The following ADK variants were observed in gnomAD, a reference collection of about 807,000 sequenced individuals.
ADK encodes the protein N6,N6-dimethyladenosine kinase.
In ADK, 24 loss-of-function variants were observed where a neutral mutation model predicts 44.7. That is an observed-to-expected ratio of 0.54 (90% CI 0.39 to 0.76). ADK has a LOEUF of 0.76. ADK is among the 30% of genes least tolerant of loss of function. The pLI, the probability that ADK is intolerant of heterozygous loss-of-function variation, is 0.00. For missense variants in ADK, 321 were observed against 425.1 expected, an observed-to-expected ratio of 0.76 and a Z score of 2.15; for synonymous variants, 128 against 142.6, an observed-to-expected ratio of 0.90 and a Z score of 0.73.
At chr10:74,204,607 G>A (rs1843521301) in intron 2 of ADK, among the ~76,000 whole-genome samples, 1 of 152,134 alleles carries the variant, frequency 6.6e-6, no homozygotes, top group African/African-American at 2.4e-5. Context: ...TTTATCCTAA[G>A]ACATTCAGAT....
intron 3 of ADK, among the ~76,000 whole-genome samples, chr10:74,279,510 C>T (rs1409389782): frequency 6.7e-5 from 10 of 149,888 alleles, no homozygotes; most frequent in East Asian, 3.9e-4. Context: ...CACTTGAACC[C>T]GGAGGTTGCA....
At chr10:74,339,263 AT>A (rs1841509987) in intron 4 of ADK, among the ~76,000 whole-genome samples, 1 of 152,236 alleles carries the variant, frequency 6.6e-6, no homozygotes, top group Admixed American at 6.5e-5. Context: ...CCTGGCCTAA[AT>A]TCCTTTTTTA....
intron 3 of ADK, among the ~76,000 whole-genome samples, chr10:74,290,815 T>C (rs968629381): frequency 1.3e-5 from 2 of 152,200 alleles, no homozygotes; most frequent in African/African-American, 4.8e-5. Flanking sequence ...TTAAGATGGC[T>C]CTTATAGAAT....
At chr10:74,319,979 A>G (rs1328881128) in intron 4 of ADK, among the ~76,000 whole-genome samples, 1 of 152,218 alleles carries the variant, frequency 6.6e-6, no homozygotes, top group East Asian at 1.9e-4. Flanking sequence ...TTTAAATCAT[A>G]TAAAAATAAA....
rs1289832756 is a variant in ADK, at chr10:74,460,676, G to A, written c.555+62097G>A. 2.0e-5 allele frequency among the ~76,000 whole-genome samples: 3 copies of A among 152,162 alleles called. No homozygotes were observed. The East Asian group carries it at 5.8e-4, about 29-fold the overall frequency. On this transcript the variant is annotated intron_variant, in intron 6 of 10. Transcript: ENST00000539909. ...CCCCTACCATGACAATTTAAATACT[G>A]CATTTAACTGTAGTATATGTAAGAT...
intron 6 of ADK, among the ~76,000 whole-genome samples, chr10:74,494,947 A>G (rs1847629616): frequency 6.6e-6 from 1 of 152,202 alleles, no homozygotes; most frequent in Non-Finnish European, 1.5e-5. Flanking sequence ...GGATTAATAT[A>G]TGGGCTCCAT....
intron 3 of ADK, among the ~76,000 whole-genome samples, chr10:74,311,892 G>T (rs999420925): frequency 6.6e-6 from 1 of 152,146 alleles, no homozygotes; most frequent in African/African-American, 2.4e-5. Flanking sequence ...GTTGGGCTGG[G>T]CATGGTGGCT....
In ADK at chr10:74,574,822, C is replaced by T. The variant is rs147883841; in HGVS notation, c.727-14460C>T. 4.7e-3 allele frequency among the ~76,000 whole-genome samples: 711 copies of T among 152,314 alleles called. 4 individuals are homozygous for T. The highest frequency in any genetic ancestry group is 7.9e-3 in the Non-Finnish European group (536 of 68,034). ...GCTACCATCCCTGAAACTGTTAATGCATATGAGTAGAAAAATTTTTTACCT... is the reference window on the plus strand; with the variant it reads ...GCTACCATCCCTGAAACTGTTAATGTATATGAGTAGAAAAATTTTTTACCT... On this transcript the variant is annotated intron_variant, in intron 7 of 10. Transcript: ENST00000539909.
rs368372226 is a variant in ADK, at chr10:74,680,624, C to T, written c.964+10355C>T. On this transcript the variant is annotated intron_variant, in intron 10 of 10. Transcript: ENST00000539909. ...GTGTAGCACTGATGCAGAGCCTAGC[C>T]AACCTTAGTACCTAGCAGAAATCTT... Among the ~76,000 whole-genome samples the T allele has an allele frequency of 1.3e-3, 203 of 152,194 alleles. 1 individual carries two copies. The highest frequency in any genetic ancestry group is 6.8e-3 in the Middle Eastern group (2 of 294).
chr10:74,371,773 G>A, intron 4 of ADK: 2 of 1,333,306 alleles, frequency 1.5e-6, no homozygotes, highest in Non-Finnish European at 2.1e-6. Context: ...ATATCCTCCA[G>A]GAATATTGGC....
At chr10:74,211,251 A>G (rs1010118563) in intron 2 of ADK, among the ~76,000 whole-genome samples, 3 of 152,122 alleles carry the variant, frequency 2.0e-5, no homozygotes, top group South Asian at 2.1e-4. Flanking sequence ...TATGTTTTGT[A>G]TATTTAGGTC....
At chr10:74,595,205 T>C (rs1851861828) in intron 8 of ADK, among the ~76,000 whole-genome samples, 1 of 144,052 alleles carries the variant, frequency 6.9e-6, no homozygotes, top group Admixed American at 7.0e-5. Context: ...AAAGGCTCTA[T>C]GACTTTTTCA....
intron 9 of ADK, chr10:74,655,839 A>C: frequency 1.9e-6 from 1 of 532,800 alleles, no homozygotes; most frequent in South Asian, 1.7e-5. Context: ...GGTGGTACTC[A>C]TCAAGCAGGA....
intron 2 of ADK, among the ~76,000 whole-genome samples, chr10:74,219,610 T>C (rs1844212849): frequency 6.6e-6 from 1 of 151,962 alleles, no homozygotes; most frequent in Admixed American, 6.6e-5. Flanking sequence ...ATTGAACACA[T>C]AGTTGGAAGT....
chr10:74,488,106 T>C (rs922234992), intron 6 of ADK, among the ~76,000 whole-genome samples: 1 of 151,934 alleles, frequency 6.6e-6, no homozygotes, highest in Admixed American at 6.6e-5. Context: ...ATCTTCACTG[T>C]GGAACATTTC....
chr10:74,312,914 CAAAAAAA>C (rs56052959), intron 3 of ADK, among the ~76,000 whole-genome samples: 36 of 37,832 alleles, frequency 9.5e-4, no homozygotes, highest in African/African-American at 2.5e-3. Context: ...ATTCTGTCTC[CAAAAAAA>C]AAAAAAAAAA....
intron 7 of ADK, among the ~76,000 whole-genome samples, chr10:74,555,153 C>T (rs1420637532): frequency 6.6e-6 from 1 of 152,158 alleles, no homozygotes. Flanking sequence ...AAAATTAGCC[C>T]TGCATGGCCC....
intron 7 of ADK, chr10:74,527,918 A>G (rs1849121022): frequency 7.5e-6 from 6 of 796,650 alleles, no homozygotes; most frequent in African/African-American, 1.7e-5. Flanking sequence ...GCTGTCATCT[A>G]TAGGTTTCTT....
At chr10:74,662,651 A>G (rs577985482) in intron 9 of ADK, among the ~76,000 whole-genome samples, 5 of 152,292 alleles carry the variant, frequency 3.3e-5, no homozygotes, top group African/African-American at 7.2e-5. Context: ...CCCATTTTAC[A>G]TAGAATGAAA....
Sources: allele counts gnomAD v4.1 joint callset (sites outside exome capture counted in the v4.1 genomes callset), GRCh38; gene constraint gnomAD v4.1.1; transcripts MANE v1.5; gene names NCBI Gene and HGNC (gene_info 2026-07-23, HGNC 2026-07-21).